CD58: variants seen among roughly 807,000 people sequenced by gnomAD.
CD58 encodes the protein CD58 molecule.
A neutral mutation model predicts 27.6 loss-of-function variants in CD58; 14 were observed. That is an observed-to-expected ratio of 0.51 (90% CI 0.34 to 0.79). CD58 has a LOEUF of 0.79. Among genes scored for constraint, CD58 ranks in the 30% least tolerant of loss-of-function variants. The pLI, the probability that CD58 is intolerant of heterozygous loss-of-function variation, is 0.02. For synonymous variants in CD58, 117 were observed against 103.8 expected, an observed-to-expected ratio of 1.13 and a Z score of -0.77; for missense variants, 268 against 301.7, an observed-to-expected ratio of 0.89 and a Z score of 0.83.
rs933745409 is a variant in CD58 at position 116,541,023 on chromosome 1, G to A, written c.364+3288C>T. Reference sequence around the variant, plus strand: ...GGAGTCTTGCTATGTTGCCTAGGATGGTCTTGAACTACTGGGCTTAAGCAA... The same window carrying A: ...GGAGTCTTGCTATGTTGCCTAGGATAGTCTTGAACTACTGGGCTTAAGCAA... On this transcript the variant is annotated intron_variant, in intron 2 of 5. Transcript: ENST00000369489. The surrounding 1 kb of genome is among the most constrained non-coding windows in gnomAD (Gnocchi z 5.3). Among the ~76,000 whole-genome samples, 1 of 152,080 alleles carries A rather than the reference G, an allele frequency of 6.6e-6. No homozygotes were observed. Among genetic ancestry groups the A allele is most frequent in the Non-Finnish European group, 1.5e-5 (1 of 68,018 alleles).
At chr1:116,529,456 CAA>C (rs1657528091) in intron 3 of CD58, among the ~76,000 whole-genome samples, 1 of 152,214 alleles carries the variant, frequency 6.6e-6, no homozygotes, top group Admixed American at 6.5e-5. Flanking sequence ...AAGTAAATTC[CAA>C]ATTCCAGATT....
chr1:116,544,162 G>C (rs1284456780), intron 2 of CD58, 149 bp downstream of exon 2: 2 of 583,874 alleles, frequency 3.4e-6, no homozygotes, highest in African/African-American at 1.9e-5. Context: ...AAAGTAGCTA[G>C]CTCCTCTATA....
In CD58 at chr1:116,532,909, G is replaced by A. The variant is rs1258824826; in HGVS notation, c.628+3056C>T. On this transcript the variant is annotated intron_variant, in intron 3 of 5. Coordinates refer to ENST00000369489, the MANE Select transcript of CD58 (RefSeq NM_001779.3). This position sits in a 1 kb window ranked among gnomAD's most constrained non-coding sequence, Gnocchi z 5.1. ...CTACAGGCCCGGAGTCGCGACAGCC[G>A]GTCTGCCAGGCGCCCACCTCCACTT... 3 of 1,009,934 alleles carry A rather than the reference G, an allele frequency of 3.0e-6. No individual in the cohort carries two copies. Among genetic ancestry groups the A allele is most frequent in the African/African-American group, 1.6e-5 (1 of 62,632 alleles). 62.6% of individuals were successfully genotyped at this position (1,009,934 alleles called of 1,614,324 possible).
At chr1:116,539,287 G>A (rs1232098094) in intron 2 of CD58, among the ~76,000 whole-genome samples, 1 of 152,188 alleles carries the variant, frequency 6.6e-6, no homozygotes, top group Non-Finnish European at 1.5e-5. Context: ...GGAGTTGGGA[G>A]GTTTGATCAA....
chr1:116,551,893 C>T (rs533022616), intron 1 of CD58, among the ~76,000 whole-genome samples: 40 of 152,260 alleles, frequency 2.6e-4, no homozygotes, highest in Admixed American at 1.2e-3. Flanking sequence ...GTGCCCACCA[C>T]CACACCCAGC....
chr1:116,553,077 A>T (rs941527984), intron 1 of CD58, among the ~76,000 whole-genome samples: 2 of 151,960 alleles, frequency 1.3e-5, no homozygotes, highest in African/African-American at 2.4e-5. Flanking sequence ...ACCTTTAAAA[A>T]TTTAAGCATC....
In CD58 at chr1:116,535,840, CAAAAAAA is replaced by C. The variant is rs35445069; in HGVS notation, c.628+118_628+124del. 125 of 152,964 alleles carry C rather than the reference CAAAAAAA, an allele frequency of 8.2e-4. 5 individuals are homozygous for C. Among genetic ancestry groups the C allele is most frequent in the Admixed American group, 1.9e-3 (14 of 7,288 alleles). The allele number at this position is 152,964 out of a possible 1,614,324, so 9.5% of individuals were successfully genotyped here. A position where few individuals can be genotyped will look rare whatever the true frequency, so the allele number is the denominator to read the frequency against. On this transcript the variant is annotated intron_variant, in intron 3 of 5. Transcript: ENST00000369489. ...TGGGCGACAGAGCGAGACTCTGTCT[CAAAAAAA>C]AAAAAAAAAAAAAAAAAAAAATTGT... is the stretch of plus-strand genomic sequence containing the variant.
rs1337371375 is a variant in CD58, at chr1:116,557,410, G to A, written c.71-12806C>T. On this transcript the variant is annotated intron_variant, in intron 1 of 5. Transcript: ENST00000369489. This position sits in a 1 kb window ranked among gnomAD's most constrained non-coding sequence, Gnocchi z 5.2. ...ACCAAAGCAAGATGGGAGGACCTGC[G>A]GGCTCCACCTTCCCAACTCCACAGC... is the stretch of plus-strand genomic sequence containing the variant. Among the ~76,000 whole-genome samples, 2 of 152,036 alleles carry A rather than the reference G, an allele frequency of 1.3e-5. No homozygotes were observed. The highest frequency in any genetic ancestry group is 2.9e-5 in the Non-Finnish European group (2 of 68,010).
At chr1:116,526,742 G>C (rs1202877471) in intron 3 of CD58, among the ~76,000 whole-genome samples, 3 of 152,076 alleles carry the variant, frequency 2.0e-5, no homozygotes, top group Non-Finnish European at 4.4e-5. Context: ...TATTTTGCTT[G>C]GGATTGCACT....
In CD58 at chr1:116,552,289, C is replaced by T. The variant is rs1464989507; in HGVS notation, c.71-7685G>A. On this transcript the variant is annotated intron_variant, in intron 1 of 5. Coordinates refer to ENST00000369489, the MANE Select transcript of CD58 (RefSeq NM_001779.3). This position sits in a 1 kb window ranked among gnomAD's most constrained non-coding sequence, Gnocchi z 4.5. ...ACATAGCATTTATCAATTAAGTTCA[C>T]CGTCTTATACGCATGGTTCTTGGCA... Among the ~76,000 whole-genome samples, 3 of 152,164 alleles carry T rather than the reference C, an allele frequency of 2.0e-5. No homozygotes were observed. The highest frequency in any genetic ancestry group is 1.3e-4 in the Admixed American group (2 of 15,278).
Position 116,534,606 on chromosome 1 carries a change from T to A in CD58, c.628+1359A>T, listed in dbSNP as rs907365025. 2.6e-5 allele frequency among the ~76,000 whole-genome samples: 4 copies of A among 152,062 alleles called. No individual in the cohort carries two copies. Among genetic ancestry groups the A allele is most frequent in the African/African-American group, 4.8e-5 (2 of 41,428 alleles). ...GGCGGCAGGGCAGGGGCGCACCGGG[T>A]GCTGGGAGGGGCCGCTCCAGGCCCC... On this transcript the variant is annotated intron_variant, in intron 3 of 5. Coordinates refer to ENST00000369489, the MANE Select transcript of CD58 (RefSeq NM_001779.3). This position sits in a 1 kb window ranked among gnomAD's most constrained non-coding sequence, Gnocchi z 5.3.
chr1:116,556,152 G>C (rs1173238458), intron 1 of CD58, among the ~76,000 whole-genome samples: 2 of 151,806 alleles, frequency 1.3e-5, no homozygotes, highest in East Asian at 3.9e-4. Context: ...TTACATGGGA[G>C]GCTGAGGCAG....
rs1657644836 is a variant in CD58 at position 116,532,451 on chromosome 1, T to C, written c.628+3514A>G. 6.6e-6 allele frequency among the ~76,000 whole-genome samples: 1 copy of C among 152,164 alleles called. No homozygotes were observed. Among genetic ancestry groups the C allele is most frequent in the African/African-American group, 2.4e-5 (1 of 41,438 alleles). ...TCTGAGATGATTAGCATACAGCAGG[T>C]GATGCAGGCTGCACACTCAGCAGAT... On this transcript the variant is annotated intron_variant, in intron 3 of 5. Transcript: ENST00000369489. The surrounding 1 kb of genome is among the most constrained non-coding windows in gnomAD (Gnocchi z 5.1).
At chr1:116,551,718 C>CT (rs1044936412) in intron 1 of CD58, among the ~76,000 whole-genome samples, 77 of 139,788 alleles carry the variant, frequency 5.5e-4, no homozygotes, top group African/African-American at 1.2e-3. Flanking sequence ...CCCATCGTGG[C>CT]TTTTTTTTTT....
chr1:116,555,752 A>G (rs977322865), intron 1 of CD58, among the ~76,000 whole-genome samples: 1 of 152,200 alleles, frequency 6.6e-6, no homozygotes, highest in Non-Finnish European at 1.5e-5. Flanking sequence ...CAAGTTTTAT[A>G]GATGAAGTAT....
In CD58 at chr1:116,515,262, C is replaced by A. The variant is rs1557830333; in HGVS notation, c.744-440G>T. Among the ~76,000 whole-genome samples, 1 of 152,226 alleles carries A rather than the reference C, an allele frequency of 6.6e-6. No homozygotes were observed. The highest frequency in any genetic ancestry group is 6.5e-5 in the Admixed American group (1 of 15,284). On this transcript the variant is annotated intron_variant, in intron 5 of 5. Transcript: ENST00000369489. The surrounding 1 kb of genome is among the most constrained non-coding windows in gnomAD (Gnocchi z 4.6). ...GTGGCAACGACAGAACAATCTCTGG[C>A]TGTCTTGGAGTAAATCAGCCGAAAA...
rs746446135 is a variant in CD58, at chr1:116,544,312, A to T, written c.363T>A (p.Leu121=). The T allele has an allele frequency of 6.3e-7, 1 of 1,592,204 alleles. No homozygotes were observed. Among genetic ancestry groups the T allele is most frequent in the Non-Finnish European group, 8.5e-7 (1 of 1,171,082 alleles). ...TDTMKFFLYV[L]ESLPSPTLTC... ...CAAATCAACTTATGGAATACTCACCAAGCACATAAAGAAAGAACTTCATGG... is the reference window on the plus strand; with the variant it reads ...CAAATCAACTTATGGAATACTCACCTAGCACATAAAGAAAGAACTTCATGG... The change falls in exon 2 of 6, where the codon CTT becomes CTA. Residue 121 remains leucine (L), a splice_region_variant and synonymous_variant. Transcript: ENST00000369489.
intron 2 of CD58, among the ~76,000 whole-genome samples, chr1:116,539,469 C>T (rs1571071821): frequency 1.3e-5 from 2 of 150,796 alleles, no homozygotes; most frequent in African/African-American, 4.9e-5. Context: ...CTGTAAAGGT[C>T]AAACAGAATA....
chr1:116,544,230 T>C (rs1658079806), intron 2 of CD58, 81 bp downstream of exon 2: 2 of 938,952 alleles, frequency 2.1e-6, no homozygotes, highest in South Asian at 1.7e-5. Context: ...TCATAGACCA[T>C]TAATTTGTGC....
Sources: allele counts gnomAD v4.1 joint callset (sites outside exome capture counted in the v4.1 genomes callset), GRCh38; gene constraint gnomAD v4.1.1; non-coding constraint Gnocchi (gnomAD v3.1); transcripts MANE v1.5; gene names NCBI Gene and HGNC (gene_info 2026-07-23, HGNC 2026-07-21).